COL22A1: variants seen among roughly 807,000 people sequenced by gnomAD.
COL22A1 encodes the protein collagen alpha-1(XXII) chain.
In COL22A1, 221 loss-of-function variants were observed where a neutral mutation model predicts 248.9. That is an observed-to-expected ratio of 0.89 (90% confidence interval 0.80 to 0.99). The LOEUF (loss-of-function observed/expected upper bound fraction) is 0.99, where lower values mean the gene tolerates loss of function less well. COL22A1 is among the 50% of genes least tolerant of loss of function. COL22A1 has a pLI of 0.00. For missense variants in COL22A1, 2,240 were observed against 2,179.0 expected (o/e 1.03, Z -0.56); for synonymous variants, 891 against 793.4 (o/e 1.12, Z -2.07).
intron 1 of COL22A1, among the ~76,000 whole-genome samples, chr8:138,896,336 G>C (rs1825411498): frequency 6.6e-6 from 1 of 152,138 alleles, no homozygotes; most frequent in African/African-American, 2.4e-5. Flanking sequence ...TATGTTATTT[G>C]TATTTTAAAA....
intron 16 of COL22A1, among the ~76,000 whole-genome samples, chr8:138,768,406 C>T (rs1393119726): frequency 3.3e-5 from 5 of 152,190 alleles, no homozygotes; most frequent in African/African-American, 7.2e-5. Flanking sequence ...TTCTCCTCTC[C>T]GCCAACCAAC....
chr8:138,722,238 G>C, intron 25 of COL22A1, 149 bp from the exon 26 acceptor site: 1 of 631,944 alleles, frequency 1.6e-6, no homozygotes, highest in South Asian at 2.0e-5. Flanking sequence ...CCTGTCTCCA[G>C]AGCGACTGTG....
At chr8:138,773,138 C>T (rs990552392) in intron 16 of COL22A1, among the ~76,000 whole-genome samples, 1 of 152,234 alleles carries the variant, frequency 6.6e-6, no homozygotes, top group African/African-American at 2.4e-5. Flanking sequence ...ACCCACTTTC[C>T]TGGACTGCTG....
chr8:138,806,185 T>TAA (rs1477546118), intron 10 of COL22A1, among the ~76,000 whole-genome samples: 3 of 42,794 alleles, frequency 7.0e-5, no homozygotes, highest in Non-Finnish European at 1.4e-4. Context: ...AGTAATGGTG[T>TAA]GTGATGGTGT....
intron 47 of COL22A1, among the ~76,000 whole-genome samples, chr8:138,643,710 A>T (rs1444811137): frequency 6.6e-6 from 1 of 150,514 alleles, no homozygotes; most frequent in East Asian, 1.9e-4. Context: ...TATTTTAAAA[A>T]ATTTTTTTTT....
chr8:138,684,276 GTCCTAGAACCTTTAGTCAAA>G, intron 39 of COL22A1, 129 bp downstream of exon 39: 1 of 627,034 alleles, frequency 1.6e-6, no homozygotes, highest in Non-Finnish European at 2.8e-6. Context: ...AAAAAAAAAA[GTCCTAGAACCTTTAGTCAAA>G]TGGAACACGA....
At chr8:138,805,779 GGTGATGGTGC>G (rs1015330862) in intron 10 of COL22A1, among the ~76,000 whole-genome samples, 1 of 130,880 alleles carries the variant, frequency 7.6e-6, no homozygotes, top group African/African-American at 3.0e-5. Context: ...TGATAGTGTA[GGTGATGGTGC>G]GTGATGGTGT....
At chr8:138,821,850 T>C (rs1411228146) in intron 6 of COL22A1, among the ~76,000 whole-genome samples, 1 of 152,034 alleles carries the variant, frequency 6.6e-6, no homozygotes, top group African/African-American at 2.4e-5. Flanking sequence ...ACCAAAAATA[T>C]CTTCAGGCCT....
At chr8:138,905,065 C>T (rs1814908921) in intron 1 of COL22A1, among the ~76,000 whole-genome samples, 1 of 152,226 alleles carries the variant, frequency 6.6e-6, no homozygotes, top group Admixed American at 6.5e-5. Flanking sequence ...ATTAAAAATA[C>T]ATATCAACAG....
chr8:138,615,060 C>G lies in COL22A1; in HGVS notation c.3924+941G>C, dbSNP rs999470972. On this transcript the variant is annotated intron_variant, in intron 55 of 64. Transcript: ENST00000303045. ...CCATGATGCCACTCTGCATCTCACA[C>G]GTCCAGCCACCCTGCAGGACGCCAC... Among the ~76,000 whole-genome samples the G allele has an allele frequency of 2.6e-5, 4 of 152,214 alleles. No individual in the cohort carries two copies. In the East Asian group the frequency reaches 7.7e-4, roughly 29 times the overall value.
chr8:138,744,900 G>A (rs887396857), intron 22 of COL22A1, among the ~76,000 whole-genome samples: 3 of 152,134 alleles, frequency 2.0e-5, no homozygotes, highest in African/African-American at 7.2e-5. Flanking sequence ...TTGTAAGAGG[G>A]GACATCTTGT....
At chr8:138,814,594 A>C (rs12549194) in intron 7 of COL22A1, among the ~76,000 whole-genome samples, 43,327 of 152,006 alleles carry the variant, frequency 0.29, 6,435 homozygotes, top group African/African-American at 0.34. Flanking sequence ...TCACAAGAAG[A>C]TTCCAACAGC....
At chr8:138,744,278 TG>T (rs1831931020) in intron 22 of COL22A1, among the ~76,000 whole-genome samples, 1 of 152,122 alleles carries the variant, frequency 6.6e-6, no homozygotes, top group Admixed American at 6.5e-5. Flanking sequence ...AAATCAGAGC[TG>T]GTGGGCCAGA....
intron 61 of COL22A1, among the ~76,000 whole-genome samples, chr8:138,597,895 T>A (rs1817669035): frequency 6.6e-6 from 1 of 152,212 alleles, no homozygotes; most frequent in South Asian, 2.1e-4. Flanking sequence ...AGGCTCTGGC[T>A]GCCTGGCGTC....
intron 23 of COL22A1, among the ~76,000 whole-genome samples, chr8:138,736,456 T>A (rs556437273): frequency 6.6e-6 from 1 of 152,152 alleles, no homozygotes; most frequent in South Asian, 2.1e-4. Context: ...GCCTCGGTCA[T>A]GCAGGGAGGA....
chr8:138,745,201 T>A (rs1468989000), intron 22 of COL22A1, among the ~76,000 whole-genome samples: 6 of 152,194 alleles, frequency 3.9e-5, no homozygotes, highest in African/African-American at 1.4e-4. Flanking sequence ...TTTTTTTTTT[T>A]TAAATCTTCC....
chr8:138,747,394 T>C (rs1014899617), intron 22 of COL22A1, among the ~76,000 whole-genome samples: 4 of 152,206 alleles, frequency 2.6e-5, no homozygotes, highest in African/African-American at 9.7e-5. Context: ...AAAAGCTCCA[T>C]TGGTTACTCA....
intron 3 of COL22A1, among the ~76,000 whole-genome samples, chr8:138,866,037 G>C (rs1183881934): frequency 2.0e-5 from 3 of 152,054 alleles, no homozygotes; most frequent in African/African-American, 4.8e-5. Context: ...GTGTGTGTTT[G>C]TGCATGTGTT....
At chr8:138,680,602 T>G (rs1018986388) in intron 39 of COL22A1, among the ~76,000 whole-genome samples, 57 of 152,112 alleles carry the variant, frequency 3.7e-4, no homozygotes, top group African/African-American at 1.2e-3. Context: ...TAAGGAAATT[T>G]CCTTAATTTC....
Sources: gnomAD v4.1 joint callset for allele counts (sites outside exome capture counted in the v4.1 genomes callset) on GRCh38, gnomAD v4.1.1 for gene constraint, MANE v1.5 for transcripts, NCBI Gene and HGNC (gene_info 2026-07-23, HGNC 2026-07-21) for gene names.